SLC19A1: variants seen among roughly 807,000 people sequenced by gnomAD.
SLC19A1 encodes solute carrier family 19 member 1.
In SLC19A1, 37 loss-of-function variants were observed where a neutral mutation model predicts 35.3. That is an observed-to-expected ratio of 1.05 (90% CI 0.81 to 1.38). The LOEUF is 1.38. SLC19A1 is among the 40% of genes most tolerant of loss of function. The pLI is 0.00. For synonymous variants in SLC19A1, 460 were observed against 398.5 expected (o/e 1.15, Z -1.84); for missense variants, 831 against 826.9 (o/e 1.00, Z -0.06).
rs760930392 is a variant in SLC19A1, at chr21:45,531,806, C to T, written c.532G>A (p.Gly178Ser). The T allele has an allele frequency of 7.5e-5, 120 of 1,593,526 alleles. 5 individuals are homozygous for T. The Admixed American group carries it at 2.0e-3, about 26-fold the overall frequency. The change falls in exon 3 of 6, where the codon GGC becomes AGC. Residue 178 changes from glycine (G) to serine (S), a missense_variant. Gly to Ser is a moderately conservative substitution (Grantham distance 56). Coordinates refer to ENST00000311124, the MANE Select transcript of SLC19A1 (RefSeq NM_194255.4). ...SVLGQLLVTV[G>S]RVSFSTLNYI... Reference sequence around the variant, plus strand: ...TTGAGCGTGGAGAAGGAGACTCGGCCCACAGTGACCAGCAGCTGGCCCAGC... The same window carrying T: ...TTGAGCGTGGAGAAGGAGACTCGGCTCACAGTGACCAGCAGCTGGCCCAGC...
At chr21:45,560,775 C>A (rs2078608433) in intron 1 of SLC19A1, among the ~76,000 whole-genome samples, 1 of 152,234 alleles carries the variant, frequency 6.6e-6, no homozygotes, top group South Asian at 2.1e-4. Context: ...TGGGCTGAGG[C>A]CAAACAGACA....
chr21:45,559,011 G>T (rs1298090921), intron 1 of SLC19A1, among the ~76,000 whole-genome samples: 2 of 151,992 alleles, frequency 1.3e-5, no homozygotes, highest in African/African-American at 4.8e-5. Flanking sequence ...GTTTCACCAT[G>T]TTGGCCAGGA....
In SLC19A1 at chr21:45,541,024, A is replaced by AAAG. The variant is rs58613344; in HGVS notation, c.-50+1341_-50+1343dup. Among the ~76,000 whole-genome samples, 1,224 of 151,478 alleles carry AAAG rather than the reference A, an allele frequency of 8.1e-3. 12 individuals are homozygous for AAAG. Among genetic ancestry groups the AAAG allele is most frequent in the African/African-American group, 0.026 (1,075 of 41,354 alleles). ...TTTTTTAGAACGCCTGCTAGTTTAAAAAGAAGAAGAAGAAAGCATTGCACA... is the reference window on the plus strand; with the variant it reads ...TTTTTTAGAACGCCTGCTAGTTTAAAAAGAAGAAGAAGAAGAAAGCATTGCACA... On this transcript the variant is annotated intron_variant, in intron 1 of 5. Transcript: ENST00000311124.
downstream of SLC19A1, among the ~76,000 whole-genome samples, chr21:45,510,932 CA>C (rs10718078): frequency 0.014 from 2,007 of 141,938 alleles, 42 homozygotes; most frequent in African/African-American, 0.038. Context: ...CCCCACCCCC[CA>C]AAAAAACACA....
chr21:45,533,211 C>T lies in SLC19A1; in HGVS notation c.190-1063G>A, dbSNP rs548133568. On this transcript the variant is annotated intron_variant, in intron 2 of 5. Transcript: ENST00000311124. This position sits in a 1 kb window ranked among gnomAD's most constrained non-coding sequence, Gnocchi z 4.5. ...CAGCTCCACAGCCTTGGCCACTGAG[C>T]TGCTGGTGGACACTCCAGGCCTGGC... Among the ~76,000 whole-genome samples the T allele has an allele frequency of 1.3e-5, 2 of 152,352 alleles. No homozygotes were observed. Among genetic ancestry groups the T allele is most frequent in the Admixed American group, 1.3e-4 (2 of 15,312 alleles).
Position 45,537,961 on chromosome 21 carries a change from C to G in SLC19A1, c.-2G>C, listed in dbSNP as rs997950675. 1.9e-6 allele frequency: 3 copies of G among 1,553,270 alleles called. No homozygotes were observed. Among genetic ancestry groups the G allele is most frequent in the Non-Finnish European group, 2.6e-6 (3 of 1,152,252 alleles). On this transcript the variant is annotated 5_prime_UTR_variant, in exon 2 of 6. Transcript: ENST00000311124. Reference sequence around the variant, plus strand: ...CACCGCTGGGCTGGAGGGCACCATCCTGCTCAGGCCACGTGCAGCTCCGGA... The same window carrying G: ...CACCGCTGGGCTGGAGGGCACCATCGTGCTCAGGCCACGTGCAGCTCCGGA...
chr21:45,529,800 AGTGT>A (rs1457586923), intron 4 of SLC19A1, among the ~76,000 whole-genome samples: 1 of 135,064 alleles, frequency 7.4e-6, no homozygotes, highest in African/African-American at 2.7e-5. Context: ...TCCATCTGTG[AGTGT>A]GTGGTGTGTC....
In SLC19A1 at chr21:45,554,805, T is replaced by C. The variant is rs530392860; in HGVS notation, c.-50+7937A>G. 2.6e-5 allele frequency among the ~76,000 whole-genome samples: 4 copies of C among 151,990 alleles called. No individual in the cohort carries two copies. In the East Asian group the frequency reaches 8.0e-4, roughly 31 times the overall value. ...TATGACAAGTTGACAAGTGAATCTT[T>C]CTCTTACGGTTTCGGTTTTTCCCAT... On this transcript the variant is annotated intron_variant, in intron 1 of 5. Coordinates refer to the SLC19A1 transcript ENST00000650808.
At chr21:45,545,165 G>GCACA (rs1004438864), upstream of SLC19A1, among the ~76,000 whole-genome samples, 2 of 152,148 alleles carry the variant, frequency 1.3e-5, no homozygotes, top group African/African-American at 2.4e-5. Flanking sequence ...GCGCAGACAC[G>GCACA]CACACACACT....
chr21:45,557,577 C>G (rs1366112199), intron 1 of SLC19A1, among the ~76,000 whole-genome samples: 2 of 152,166 alleles, frequency 1.3e-5, no homozygotes, highest in African/African-American at 4.8e-5. Flanking sequence ...GGAGCGAGGG[C>G]TGGGGGTTTG....
chr21:45,559,590 G>C (rs1160404622), intron 1 of SLC19A1, among the ~76,000 whole-genome samples: 1 of 152,114 alleles, frequency 6.6e-6, no homozygotes, highest in African/African-American at 2.4e-5. Flanking sequence ...TTGCAGCTCT[G>C]TCCAGGGAGC....
chr21:45,512,603 G>A lies in SLC19A1; in HGVS notation c.*3055C>T, dbSNP rs2037676719. On this transcript the variant is annotated 3_prime_UTR_variant, in exon 6 of 6. Transcript: ENST00000311124. ...AAGTTTAAAACAGAAGCCTGATGCTGACATTCACCTGCCCCAACTCTCCCC... is the reference window on the plus strand; with the variant it reads ...AAGTTTAAAACAGAAGCCTGATGCTAACATTCACCTGCCCCAACTCTCCCC... The A allele has an allele frequency of 3.2e-6, 2 of 617,150 alleles. No individual in the cohort carries two copies. The highest frequency in any genetic ancestry group is 2.8e-5 in the Admixed American group (1 of 35,224). 38.2% of individuals were successfully genotyped at this position (617,150 alleles called of 1,614,324 possible).
intron 5 of SLC19A1, among the ~76,000 whole-genome samples, chr21:45,520,335 G>A (rs990263474): frequency 6.6e-6 from 1 of 152,038 alleles, no homozygotes; most frequent in Non-Finnish European, 1.5e-5. Context: ...TCCAGCCAGT[G>A]CACTAAGTCA....
chr21:45,560,673 G>C (rs1282751986), intron 1 of SLC19A1, among the ~76,000 whole-genome samples: 2 of 152,256 alleles, frequency 1.3e-5, no homozygotes, highest in Non-Finnish European at 2.9e-5. Flanking sequence ...ATGAGGATTT[G>C]AAGGACCAAG....
At chr21:45,510,217 G>T (rs371989063), downstream of SLC19A1, 4 of 1,605,968 alleles carry the variant, frequency 2.5e-6, no homozygotes, top group Non-Finnish European at 3.4e-6. Context: ...GTACAGCATC[G>T]TGCGCCGTGC....
intron 1 of SLC19A1, among the ~76,000 whole-genome samples, chr21:45,558,010 T>G (rs1208401726): frequency 6.6e-6 from 1 of 152,196 alleles, no homozygotes. Flanking sequence ...GCCACCTATT[T>G]GGGGATATTT....
At chr21:45,556,472 A>T (rs2078563360) in intron 1 of SLC19A1, among the ~76,000 whole-genome samples, 1 of 152,282 alleles carries the variant, frequency 6.6e-6, no homozygotes. Context: ...GAAGCTTGAA[A>T]TCTGTAATTC....
In SLC19A1 at chr21:45,558,344, G is replaced by A. The variant is rs144725975; in HGVS notation, c.-50+4398C>T. Among the ~76,000 whole-genome samples the A allele has an allele frequency of 3.5e-3, 532 of 152,366 alleles. 6 individuals carry two copies. The highest frequency in any genetic ancestry group is 0.012 in the African/African-American group (500 of 41,588). ...CAGCCTGGCCCCAGGGTGTGGGCCT[G>A]CAGCTCTGGCTGCTGAGAAATCCCC... On this transcript the variant is annotated intron_variant, in intron 1 of 5. Transcript: ENST00000650808.
rs2037872227 is a variant in SLC19A1, at chr21:45,515,608, G to A, written c.*50C>T. 1 of 1,609,452 alleles carries A rather than the reference G, an allele frequency of 6.2e-7. No homozygotes were observed. The highest frequency in any genetic ancestry group is 8.5e-7 in the Non-Finnish European group (1 of 1,179,590). ...AGGCGGCCCTCGAGGCAGGGGTCGT[G>A]GGGATGCACTGAGGGCCGCCTGCAA... On this transcript the variant is annotated 3_prime_UTR_variant, in exon 6 of 6. Coordinates refer to ENST00000311124, the MANE Select transcript of SLC19A1 (RefSeq NM_194255.4).
Sources: gnomAD v4.1 joint callset for allele counts (sites outside exome capture counted in the v4.1 genomes callset) on GRCh38, gnomAD v4.1.1 for gene constraint, Gnocchi (gnomAD v3.1) non-coding constraint, MANE v1.5 for transcripts, NCBI Gene and HGNC (gene_info 2026-07-23, HGNC 2026-07-21) for gene names.